Variants in LGR6 observed in about 807,000 individuals in gnomAD.
LGR6 encodes leucine-rich repeat-containing G protein-coupled receptor 6.
LGR6 carries 45 observed loss-of-function variants against 69.4 expected under a neutral mutation model. The ratio of observed to expected loss-of-function variants is 0.65; its 90% CI spans 0.51 to 0.83. LGR6 has a LOEUF of 0.83. LGR6 is among the 40% of genes least tolerant of loss of function. The pLI is 0.00. For synonymous variants in LGR6, 538 were observed against 555.0 expected (o/e 0.97, Z 0.43); for missense variants, 1,108 against 1,246.7 (o/e 0.89, Z 1.68).
At chr1:202,299,574 A>C (rs2148254272) in intron 7 of LGR6, among the ~76,000 whole-genome samples, 1 of 152,272 alleles carries the variant, frequency 6.6e-6, no homozygotes, top group South Asian at 2.1e-4. Flanking sequence ...CTGTCTTAGA[A>C]ACTTCTAAAT....
rs952649047 is a variant in LGR6 at position 202,263,212 on chromosome 1, TC to T, written c.429-13091del. ...ATCTTGGCGCACTGCAACCTCCGCCTCCCGGGTTCAAGCAATTCTCCTGCCT... is the reference window on the plus strand; with the variant it reads ...ATCTTGGCGCACTGCAACCTCCGCCTCCGGGTTCAAGCAATTCTCCTGCCT... On this transcript the variant is annotated intron_variant, in intron 4 of 17. Coordinates refer to ENST00000367278, the MANE Select transcript of LGR6 (RefSeq NM_001017403.2). Among the ~76,000 whole-genome samples, 6 of 152,130 alleles carry T rather than the reference TC, an allele frequency of 3.9e-5. 1 individual carries two copies. Among genetic ancestry groups the T allele is most frequent in the African/African-American group, 1.4e-4 (6 of 41,472 alleles).
At chr1:202,200,247 A>G (rs1342523701) in intron 1 of LGR6, among the ~76,000 whole-genome samples, 1 of 152,242 alleles carries the variant, frequency 6.6e-6, no homozygotes, top group Non-Finnish European at 1.5e-5. Flanking sequence ...AAAGAGGAAG[A>G]ATCTGGGCTT....
In LGR6 at chr1:202,236,097, C is replaced by G. The variant is rs1297344153; in HGVS notation, c.428+104C>G. Reference sequence around the variant, plus strand: ...TTTCCCTTCCCTCTGCAGGCGCCCCCTCTCCCAGTCCACGTTCCAGACAGC... The same window carrying G: ...TTTCCCTTCCCTCTGCAGGCGCCCCGTCTCCCAGTCCACGTTCCAGACAGC... On this transcript the variant is annotated intron_variant, in intron 4 of 17. Transcript: ENST00000367278. 13 of 879,358 alleles carry G rather than the reference C, an allele frequency of 1.5e-5. No individual in the cohort carries two copies. In the East Asian group the frequency reaches 3.2e-4, roughly 22 times the overall value. 54.5% of individuals were successfully genotyped at this position (879,358 alleles called of 1,614,324 possible).
Position 202,297,557 on chromosome 1 carries a change from C to T in LGR6, c.766C>T (p.Leu256=). 1.2e-6 allele frequency: 2 copies of T among 1,613,958 alleles called. No individual in the cohort carries two copies. Among genetic ancestry groups the T allele is most frequent in the Non-Finnish European group, 1.7e-6 (2 of 1,179,924 alleles). Residue 256 remains leucine (L), a synonymous_variant, in exon 7 of 18, where the codon CTG becomes TTG. Transcript: ENST00000367278. Reference sequence around the variant, plus strand: ...GGAGTTCCCTGTGGCCATCCGGACCCTGGGCAGACTGCAGGAACTGTAAGC... The same window carrying T: ...GGAGTTCCCTGTGGCCATCCGGACCTTGGGCAGACTGCAGGAACTGTAAGC... ...LQEFPVAIRT[L]GRLQELGFHN...
chr1:202,237,339 C>T (rs563470710), intron 4 of LGR6, among the ~76,000 whole-genome samples: 2 of 152,192 alleles, frequency 1.3e-5, no homozygotes, highest in Non-Finnish European at 2.9e-5. Context: ...GCTCCCCACC[C>T]GCAGGGGCAG....
chr1:202,308,526 A>G (rs960366808), intron 14 of LGR6, among the ~76,000 whole-genome samples: 1 of 152,206 alleles, frequency 6.6e-6, no homozygotes, highest in African/African-American at 2.4e-5. Flanking sequence ...GCCTCTGGCT[A>G]CAAAGCAGTC....
chr1:202,220,848 G>C (rs1342244224), intron 1 of LGR6, among the ~76,000 whole-genome samples: 1 of 150,376 alleles, frequency 6.6e-6, no homozygotes, highest in Non-Finnish European at 1.5e-5. Flanking sequence ...GCTCCTATCA[G>C]ACACACACAC....
intron 4 of LGR6, among the ~76,000 whole-genome samples, chr1:202,263,153 C>T (rs999640971): frequency 1.5e-4 from 23 of 152,024 alleles, no homozygotes; most frequent in African/African-American, 5.6e-4. Context: ...GACAGGGTCT[C>T]ACTCTGTTGC....
chr1:202,271,596 C>G lies in LGR6; in HGVS notation c.429-4710C>G, dbSNP rs1038286819. Among the ~76,000 whole-genome samples, 143 of 152,092 alleles carry G rather than the reference C, an allele frequency of 9.4e-4. 3 individuals carry two copies. The highest frequency in any genetic ancestry group is 9.2e-3 in the Admixed American group (141 of 15,288). On this transcript the variant is annotated intron_variant, in intron 4 of 17. Coordinates refer to ENST00000367278, the MANE Select transcript of LGR6 (RefSeq NM_001017403.2). ...CTGAGGCGGGTGGATCACCTGAGGT[C>G]AGGAGTTCGAGACCAGCCTGGCCAA...
At chr1:202,237,543 A>G (rs958191893) in intron 4 of LGR6, among the ~76,000 whole-genome samples, 2 of 152,218 alleles carry the variant, frequency 1.3e-5, no homozygotes, top group Non-Finnish European at 2.9e-5. Flanking sequence ...ATCGTGAATC[A>G]CATATTCTGA....
At chr1:202,198,925 C>T (rs1869106) in intron 1 of LGR6, among the ~76,000 whole-genome samples, 28,013 of 152,022 alleles carry the variant, frequency 0.18, 3,024 homozygotes, top group South Asian at 0.25. Context: ...CCACCCTTCC[C>T]TGGCCCAGTC....
intron 6 of LGR6, among the ~76,000 whole-genome samples, chr1:202,295,229 G>A (rs1667065139): frequency 6.7e-6 from 1 of 150,310 alleles, no homozygotes; most frequent in Admixed American, 6.7e-5. Context: ...TCAGGAGGCT[G>A]AGGCAGGAGA....
intron 6 of LGR6, among the ~76,000 whole-genome samples, chr1:202,289,071 G>A (rs1388874869): frequency 2.6e-5 from 4 of 152,202 alleles, no homozygotes; most frequent in African/African-American, 9.7e-5. Flanking sequence ...AGTATGAAGT[G>A]TCACAAAATG....
chr1:202,208,313 G>A lies in LGR6; in HGVS notation c.212+14112G>A, dbSNP rs182565657. On this transcript the variant is annotated intron_variant, in intron 1 of 17. Transcript: ENST00000367278. ...TGATGCCTTTGGGTCTGTTTCCTGTGGGGTGAGAGTTCCTGACCCCAGGAT... is the reference window on the plus strand; with the variant it reads ...TGATGCCTTTGGGTCTGTTTCCTGTAGGGTGAGAGTTCCTGACCCCAGGAT... Among the ~76,000 whole-genome samples, 3 of 152,198 alleles carry A rather than the reference G, an allele frequency of 2.0e-5. No homozygotes were observed. The East Asian group carries it at 5.8e-4, about 29-fold the overall frequency.
chr1:202,229,114 G>A (rs1163441154), intron 3 of LGR6, among the ~76,000 whole-genome samples: 2 of 152,134 alleles, frequency 1.3e-5, no homozygotes, highest in Non-Finnish European at 2.9e-5. Flanking sequence ...CTTGGCCCAT[G>A]AGTTCCAGGC....
At chr1:202,310,486 A>G in intron 16 of LGR6, 129 bp downstream of exon 16, 1 of 862,130 alleles carries the variant, frequency 1.2e-6, no homozygotes, top group Non-Finnish European at 1.8e-6. Context: ...AGGTGGGAGG[A>G]GCTGCCTGTG....
intron 1 of LGR6, among the ~76,000 whole-genome samples, chr1:202,208,906 A>G (rs750304486): frequency 2.6e-5 from 4 of 152,158 alleles, no homozygotes; most frequent in African/African-American, 7.2e-5. Flanking sequence ...CCCTAGAGCC[A>G]TAGGGGTAAA....
chr1:202,308,985 C>G, intron 14 of LGR6, 66 bp from the exon 15 acceptor site: 2 of 1,588,146 alleles, frequency 1.3e-6, no homozygotes, highest in Non-Finnish European at 1.7e-6. Flanking sequence ...GCCACATTCT[C>G]AGCACAGCCC....
At chr1:202,286,269 A>G (rs558924399) in intron 6 of LGR6, among the ~76,000 whole-genome samples, 4 of 152,172 alleles carry the variant, frequency 2.6e-5, no homozygotes, top group South Asian at 4.1e-4. Context: ...GGATAGGCTG[A>G]TAGGTTGGGG....
Sources: allele counts gnomAD v4.1 joint callset (sites outside exome capture counted in the v4.1 genomes callset), GRCh38; gene constraint gnomAD v4.1.1; transcripts MANE v1.5; gene names NCBI Gene and HGNC (gene_info 2026-07-23, HGNC 2026-07-21).